NSDHL: variants seen among roughly 807,000 people sequenced by gnomAD.
The protein encoded by NSDHL is NAD(P) dependent 3-beta-hydroxysteroid dehydrogenase NSDHL, also known as sterol-4-alpha-carboxylate 3-dehydrogenase, decarboxylating.
In NSDHL, 1 loss-of-function variant was observed where a neutral mutation model predicts 23.0. The ratio of observed to expected loss-of-function variants is 0.04; its 90% CI spans 0.02 to 0.21. NSDHL has a LOEUF of 0.21. Ranked by LOEUF, NSDHL falls within the 10% of genes least tolerant of loss-of-function variation. The probability of loss-of-function intolerance (pLI) is 1.00; values close to 1 mark genes in which losing one functional copy is unlikely to be tolerated. For synonymous variants in NSDHL, 128 were observed against 121.1 expected, an observed-to-expected ratio of 1.06 and a Z score of -0.37; for missense variants, 237 against 300.9, an observed-to-expected ratio of 0.79 and a Z score of 1.57.
intron 1 of NSDHL, among the ~76,000 whole-genome samples, chrX:152,844,180 A>T (rs781812971): frequency 8.9e-6 from 1 of 112,302 alleles, no homozygotes; most frequent in South Asian, 3.7e-4. Context: ...CACAATCCTC[A>T]TAATGACCTT....
chrX:152,867,610 C>T lies in NSDHL; in HGVS notation c.726C>T (p.Asn242=), dbSNP rs377658352. The T allele has an allele frequency of 6.4e-5, 77 of 1,208,873 alleles. No homozygotes were observed. Among genetic ancestry groups the T allele is most frequent in the Middle Eastern group, 4.6e-4 (2 of 4,367 alleles). ...TGGTGGACTTCACCTTTGTGGAGAA[C>T]GTGGTCCATGGACACATCCTGGCGG... is the stretch of plus-strand genomic sequence containing the variant. ...KNLVDFTFVE[N]VVHGHILAAE... is the part of the protein sequence containing the mutation. Residue 242 remains asparagine, a synonymous_variant, in exon 7 of 8, where the codon AAC becomes AAT. Coordinates refer to ENST00000370274, the MANE Select transcript of NSDHL (RefSeq NM_015922.3).
intron 1 of NSDHL, among the ~76,000 whole-genome samples, chrX:152,840,077 TC>T (rs1378625491): frequency 5.3e-5 from 6 of 112,491 alleles, no homozygotes; most frequent in Non-Finnish European, 1.1e-4. Context: ...TATCCTTTCT[TC>T]CAATTGATTG....
At chrX:152,849,423 G>A (rs1000307677) in intron 2 of NSDHL, among the ~76,000 whole-genome samples, 3 of 111,807 alleles carry the variant, frequency 2.7e-5, no homozygotes, top group Non-Finnish European at 3.8e-5. Flanking sequence ...CTTGTCTGGT[G>A]TGCAGCAGCC....
chrX:152,851,024 T>C (rs1207174195), intron 3 of NSDHL, among the ~76,000 whole-genome samples: 1 of 112,359 alleles, frequency 8.9e-6, no homozygotes, highest in African/African-American at 3.2e-5. Context: ...TCATGTAATA[T>C]TTGTACCTCT....
chrX:152,869,120 A>G lies in NSDHL; in HGVS notation c.*4A>G. The G allele has an allele frequency of 8.4e-7, 1 of 1,195,369 alleles. No homozygotes were observed. The highest frequency in any genetic ancestry group is 1.1e-6 in the Non-Finnish European group (1 of 880,632). Reference sequence around the variant, plus strand: ...CCACCTGCGGAGGGTCAAGTGAGGGACACTGGAGGCTGGGCTCTCTCGACA... The same window carrying G: ...CCACCTGCGGAGGGTCAAGTGAGGGGCACTGGAGGCTGGGCTCTCTCGACA... On this transcript the variant is annotated 3_prime_UTR_variant, in exon 8 of 8. Transcript: ENST00000370274.
At chrX:152,865,696 A>G in intron 5 of NSDHL, 123 bp from the exon 6 acceptor site, 2 of 900,207 alleles carry the variant, frequency 2.2e-6, no homozygotes, top group Admixed American at 2.2e-5. Flanking sequence ...CAGTGGCCAC[A>G]TGCCAGCAGA....
intron 5 of NSDHL, among the ~76,000 whole-genome samples, chrX:152,865,027 G>A (rs2125015468): frequency 8.9e-6 from 1 of 112,593 alleles, no homozygotes; most frequent in Admixed American, 9.4e-5. Context: ...CCCCGTCAGG[G>A]TAGGTACCTT....
At chrX:152,832,406 A>G (rs1164047342) in intron 1 of NSDHL, among the ~76,000 whole-genome samples, 2 of 112,024 alleles carry the variant, frequency 1.8e-5, no homozygotes, top group Non-Finnish European at 3.8e-5. Flanking sequence ...CCTAGAACAG[A>G]GAGGGGCACA....
intron 1 of NSDHL, among the ~76,000 whole-genome samples, chrX:152,842,610 T>C (rs1448743874): frequency 1.8e-5 from 2 of 111,953 alleles, no homozygotes; most frequent in African/African-American, 6.5e-5. Flanking sequence ...CAAGTGATTC[T>C]CCTGCCTCAG....
chrX:152,867,233 G>A (rs1933620497), intron 6 of NSDHL, among the ~76,000 whole-genome samples: 1 of 111,953 alleles, frequency 8.9e-6, no homozygotes, highest in African/African-American at 3.3e-5. Context: ...ATAAACGGAG[G>A]ACCAGAGCAA....
chrX:152,836,365 G>C (rs782564170), intron 1 of NSDHL, among the ~76,000 whole-genome samples: 1 of 112,100 alleles, frequency 8.9e-6, no homozygotes, highest in South Asian at 3.7e-4. Flanking sequence ...TTTTAGTCAT[G>C]AAGTCCTTGC....
chrX:152,847,333 A>G (rs782736454), intron 2 of NSDHL, among the ~76,000 whole-genome samples: 1 of 111,648 alleles, frequency 9.0e-6, no homozygotes, highest in Non-Finnish European at 1.9e-5. Flanking sequence ...AACAAAACAA[A>G]CAACGTAATT....
chrX:152,856,125 C>T (rs1556846928), intron 3 of NSDHL, among the ~76,000 whole-genome samples: 1 of 111,588 alleles, frequency 9.0e-6, no homozygotes, highest in African/African-American at 3.3e-5. Flanking sequence ...ATCCCCATTG[C>T]GTTTAACATG....
chrX:152,835,226 G>C (rs1489777625), intron 1 of NSDHL, among the ~76,000 whole-genome samples: 1 of 110,322 alleles, frequency 9.1e-6, no homozygotes, highest in African/African-American at 3.3e-5. Flanking sequence ...TCCCTTTCAA[G>C]ATGTGATATG....
chrX:152,863,064 A>G (rs1248617591), intron 5 of NSDHL, among the ~76,000 whole-genome samples: 1 of 109,886 alleles, frequency 9.1e-6, no homozygotes, highest in Non-Finnish European at 1.9e-5. Flanking sequence ...TGGGAGGCTG[A>G]GGTATGAGAA....
In NSDHL at chrX:152,865,835, A is replaced by G. The variant is rs782332983; in HGVS notation, c.560A>G (p.Asn187Ser). The change falls in exon 6 of 8, where the codon AAC becomes AGC. Residue 187 changes from asparagine to serine, a missense_variant. Asn to Ser is a conservative substitution (Grantham distance 46). Transcript: ENST00000370274. ...CTCCTCCAGGCAGTTCTGGGCGCCA[A>G]CGATCCTGAGAAGAATTTCTTAACC... ...ILQERAVLGA[N>S]DPEKNFLTTA... 18 of 1,212,432 alleles carry G rather than the reference A, an allele frequency of 1.5e-5. No individual in the cohort carries two copies. Among genetic ancestry groups the G allele is most frequent in the Middle Eastern group, 4.6e-4 (2 of 4,355 alleles).
At chrX:152,840,603 A>T (rs181829971) in intron 1 of NSDHL, among the ~76,000 whole-genome samples, 26 of 112,544 alleles carry the variant, frequency 2.3e-4, no homozygotes, top group African/African-American at 7.7e-4. Flanking sequence ...GCTCCACTCC[A>T]AACCCTGTTT....
At chrX:152,859,546 G>A (rs1556847326) in intron 4 of NSDHL, among the ~76,000 whole-genome samples, 1 of 112,330 alleles carries the variant, frequency 8.9e-6, no homozygotes, top group African/African-American at 3.2e-5. Flanking sequence ...GTTGTAGCAT[G>A]TGTCGGAATG....
At chrX:152,837,296 T>C (rs1602922130) in intron 1 of NSDHL, among the ~76,000 whole-genome samples, 1 of 111,717 alleles carries the variant, frequency 9.0e-6, no homozygotes. Flanking sequence ...TTTCTTTCTC[T>C]TGCCTGATTG....
Sources: gnomAD v4.1 joint callset for allele counts (sites outside exome capture counted in the v4.1 genomes callset) on GRCh38, gnomAD v4.1.1 for gene constraint, MANE v1.5 for transcripts, NCBI Gene and HGNC (gene_info 2026-07-23, HGNC 2026-07-21) for gene names.